The following GBF1 variants were observed in gnomAD, a reference collection of about 807,000 sequenced individuals.
GBF1 encodes golgi brefeldin A resistant guanine nucleotide exchange factor 1, also known as Golgi-specific brefeldin A-resistance guanine nucleotide exchange factor 1.
In GBF1, 114 loss-of-function variants were observed where a neutral mutation model predicts 210.5. That is an observed-to-expected ratio of 0.54 (90% CI 0.47 to 0.63). GBF1 has a LOEUF of 0.63. GBF1 is among the 30% of genes least tolerant of loss of function. The pLI is 0.00. For missense variants in GBF1, 1,851 were observed against 2,357.7 expected, an observed-to-expected ratio of 0.79 and a Z score of 4.45; for synonymous variants, 850 against 889.2, an observed-to-expected ratio of 0.96 and a Z score of 0.78.
intron 3 of GBF1, among the ~76,000 whole-genome samples, chr10:102,293,764 G>GTTTTTTTTATTTTTTTT (rs1263151407): frequency 9.8e-5 from 5 of 50,888 alleles, no homozygotes; most frequent in South Asian, 9.8e-4. Flanking sequence ...GCTGTAGTAT[G>GTTTTTTTTATTTTTTTT]TTTTGTGTTT....
At chr10:102,355,861 G>A in intron 8 of GBF1, among the ~76,000 whole-genome samples, 1 of 152,182 alleles carries the variant, frequency 6.6e-6, no homozygotes, top group South Asian at 2.1e-4. Context: ...TTGCCCTTTT[G>A]CATGTTTGGC....
chr10:102,323,750 A>G (rs2056648639), intron 3 of GBF1, among the ~76,000 whole-genome samples: 1 of 152,120 alleles, frequency 6.6e-6, no homozygotes, highest in Non-Finnish European at 1.5e-5. Context: ...AAATAACTAT[A>G]TTCATTGTCA....
At chr10:102,310,996 G>A (rs1033495909) in intron 3 of GBF1, among the ~76,000 whole-genome samples, 3 of 152,194 alleles carry the variant, frequency 2.0e-5, no homozygotes, top group Admixed American at 6.5e-5. Context: ...CTCTCCTTTA[G>A]AGGGTGCTTT....
In GBF1 at chr10:102,258,929, G is replaced by A. The variant is rs770789156; in HGVS notation, c.-10G>A. 1 of 1,510,884 alleles carries A rather than the reference G, an allele frequency of 6.6e-7. No individual in the cohort carries two copies. Among genetic ancestry groups the A allele is most frequent in the Non-Finnish European group, 9.2e-7 (1 of 1,085,698 alleles). 93.6% of individuals were successfully genotyped at this position (1,510,884 alleles called of 1,614,324 possible). On this transcript the variant is annotated splice_region_variant and 5_prime_UTR_variant, in exon 2 of 40. Coordinates refer to ENST00000369983, the MANE Select transcript of GBF1 (RefSeq NM_001377137.1). Reference sequence around the variant, plus strand: ...ACTATTATCTTAACTGTTTTGGTAGGTTTGCCAAGATGGTGGATAAGAATA... The same window carrying A: ...ACTATTATCTTAACTGTTTTGGTAGATTTGCCAAGATGGTGGATAAGAATA...
chr10:102,369,065 A>T, intron 23 of GBF1, 146 bp from the exon 24 acceptor site: 1 of 679,238 alleles, frequency 1.5e-6, no homozygotes, highest in Non-Finnish European at 2.6e-6. Context: ...GGCCTTAACT[A>T]GGTTAACCCA....
chr10:102,322,494 A>G (rs1041943559), intron 3 of GBF1, among the ~76,000 whole-genome samples: 3 of 152,084 alleles, frequency 2.0e-5, no homozygotes, highest in Admixed American at 6.5e-5. Flanking sequence ...ATTTCTCCCC[A>G]CTATAAATTC....
At chr10:102,331,416 C>G (rs759291260) in intron 3 of GBF1, among the ~76,000 whole-genome samples, 29 of 151,858 alleles carry the variant, frequency 1.9e-4, no homozygotes, top group Non-Finnish European at 3.1e-4. Flanking sequence ...TAAATGTAAC[C>G]TCAAGGTGTA....
At chr10:102,331,923 A>G (rs2057366722) in intron 3 of GBF1, among the ~76,000 whole-genome samples, 1 of 135,986 alleles carries the variant, frequency 7.4e-6, no homozygotes, top group Admixed American at 8.7e-5. Flanking sequence ...GCAGTGGCGC[A>G]GTCTTGGCTC....
Position 102,352,489 on chromosome 10 carries a change from C to G in GBF1, c.555C>G (p.Leu185=), listed in dbSNP as rs1038347944. ...ELLRKSAEHT[L]VDMVQLLFTR... ...TGAGAAAATCCGCAGAGCACACTCT[C>G]GTAGACATGGTGCAGCTGCTCTTCA... Residue 185 remains leucine, a synonymous_variant, in exon 7 of 40, where the codon CTC becomes CTG. Coordinates refer to ENST00000369983, the MANE Select transcript of GBF1 (RefSeq NM_001377137.1). 3 of 1,611,928 alleles carry G rather than the reference C, an allele frequency of 1.9e-6. No homozygotes were observed. The highest frequency in any genetic ancestry group is 1.7e-5 in the Admixed American group (1 of 60,018).
At chr10:102,276,665 G>A (rs921931066) in intron 3 of GBF1, among the ~76,000 whole-genome samples, 3 of 152,112 alleles carry the variant, frequency 2.0e-5, no homozygotes, top group Admixed American at 6.5e-5. Context: ...TGGGTAGGCC[G>A]TAGGCTCAAT....
At chr10:102,312,179 T>C (rs2078504097) in intron 3 of GBF1, among the ~76,000 whole-genome samples, 2 of 151,854 alleles carry the variant, frequency 1.3e-5, no homozygotes, top group African/African-American at 4.8e-5. Context: ...TAATCCCATC[T>C]ATTCAATGGA....
intron 12 of GBF1, 117 bp from the exon 13 acceptor site, chr10:102,360,905 G>A (rs2059562053): frequency 1.5e-6 from 1 of 677,630 alleles, no homozygotes; most frequent in Non-Finnish European, 2.7e-6. Flanking sequence ...AACCCAGGAG[G>A]CAGAGGTTGC....
At chr10:102,358,382 T>A in intron 9 of GBF1, 124 bp from the exon 10 acceptor site, 1 of 799,264 alleles carries the variant, frequency 1.3e-6, no homozygotes, top group East Asian at 2.5e-5. Flanking sequence ...CTGACAACTT[T>A]AGAGACCAAT....
Position 102,274,556 on chromosome 10 carries a change from A to G in GBF1, c.163+14440A>G, listed in dbSNP as rs184766049. Among the ~76,000 whole-genome samples, 45 of 152,190 alleles carry G rather than the reference A, an allele frequency of 3.0e-4. 1 individual carries two copies. The East Asian group carries it at 7.5e-3, about 25-fold the overall frequency. ...CTGACCACATCACAGACGGACCACA[A>G]CTGACCACAGTTGAACCATAGGATA... On this transcript the variant is annotated intron_variant, in intron 3 of 39. Transcript: ENST00000369983.
chr10:102,301,840 G>T (rs1197585002), intron 3 of GBF1, among the ~76,000 whole-genome samples: 1 of 152,024 alleles, frequency 6.6e-6, no homozygotes, highest in South Asian at 2.1e-4. Context: ...AGGCAGAGAC[G>T]CTCCTCACTT....
At chr10:102,335,358 G>A (rs1441723660) in intron 3 of GBF1, among the ~76,000 whole-genome samples, 1 of 152,146 alleles carries the variant, frequency 6.6e-6, no homozygotes, top group African/African-American at 2.4e-5. Flanking sequence ...TTCCAGGGCG[G>A]GAATTTTGGC....
At chr10:102,248,405 CTAG>C (rs2071096732) in intron 1 of GBF1, among the ~76,000 whole-genome samples, 2 of 151,410 alleles carry the variant, frequency 1.3e-5, no homozygotes, top group South Asian at 4.2e-4. Context: ...ATTATTTGTT[CTAG>C]TAGTAGTGGA....
chr10:102,314,059 G>GA (rs1482465890), intron 3 of GBF1, among the ~76,000 whole-genome samples: 1 of 144,172 alleles, frequency 6.9e-6, no homozygotes, highest in Non-Finnish European at 1.5e-5. Context: ...TCAAAGAAGA[G>GA]AAAAAAAGAA....
chr10:102,369,286 G>C lies in GBF1; in HGVS notation c.3049G>C (p.Ala1017Pro). 6.2e-7 allele frequency: 1 copy of C among 1,613,792 alleles called. No homozygotes were observed. The highest frequency in any genetic ancestry group is 1.1e-5 in the South Asian group (1 of 91,072). ...HIAAKTVFHL[A>P]HRHGDILREG... The stretch of plus-strand genomic sequence containing the variant: ...TGCAGCCAAGACAGTATTCCATTTG[G>C]CCCATCGTCATGGTGACATCCTGCG... The change falls in exon 24 of 40, where the codon GCC becomes CCC. Residue 1017 changes from alanine (A) to proline (P), a missense_variant. Around this residue, in one of 3 missense-constraint regions of GBF1, gnomAD observed 967 missense variants for 1,247.7 expected, o/e 0.78. Coordinates refer to ENST00000369983, the MANE Select transcript of GBF1 (RefSeq NM_001377137.1).
Sources: allele counts gnomAD v4.1 joint callset (sites outside exome capture counted in the v4.1 genomes callset), GRCh38; gene constraint gnomAD v4.1.1; regional missense constraint gnomAD v4.1.1; transcripts MANE v1.5; gene names NCBI Gene and HGNC (gene_info 2026-07-23, HGNC 2026-07-21).